The following ARHGAP26 variants were observed in gnomAD, a reference collection of about 807,000 sequenced individuals.
ARHGAP26 encodes Rho GTPase activating protein 26, also known as rho GTPase-activating protein 26.
Under a neutral mutation model 104.8 loss-of-function variants are expected in ARHGAP26, and 38 were observed. That is an observed-to-expected ratio of 0.36 (90% CI 0.28 to 0.48). The LOEUF (loss-of-function observed/expected upper bound fraction) is 0.48, where lower values mean the gene tolerates loss of function less well. Among genes scored for constraint, ARHGAP26 ranks in the 20% least tolerant of loss-of-function variants. The pLI is 0.99. For synonymous variants in ARHGAP26, 341 were observed against 340.0 expected, an observed-to-expected ratio of 1.00 and a Z score of -0.03; for missense variants, 704 against 947.9, an observed-to-expected ratio of 0.74 and a Z score of 3.38.
chr5:143,150,202 C>G (rs1799656002), intron 20 of ARHGAP26, among the ~76,000 whole-genome samples: 1 of 152,186 alleles, frequency 6.6e-6, no homozygotes, highest in Non-Finnish European at 1.5e-5. Context: ...AAGTCAGGAC[C>G]AAAGTCCAGC....
intron 11 of ARHGAP26, among the ~76,000 whole-genome samples, chr5:142,932,982 A>G (rs1016996701): frequency 1.3e-5 from 2 of 152,250 alleles, no homozygotes; most frequent in Non-Finnish European, 2.9e-5. Context: ...GACATTTAAT[A>G]ATATAGAGCA....
At chr5:143,129,856 G>A (rs111970483) in intron 18 of ARHGAP26, among the ~76,000 whole-genome samples, 67 of 152,250 alleles carry the variant, frequency 4.4e-4, no homozygotes, top group African/African-American at 1.5e-3. Flanking sequence ...GCTCTGCAAG[G>A]CAGGTATTAG....
chr5:142,988,500 C>T (rs1467071171), intron 11 of ARHGAP26, among the ~76,000 whole-genome samples: 2 of 152,032 alleles, frequency 1.3e-5, no homozygotes. Flanking sequence ...TCCAGTTCTG[C>T]TCTGATCTTA....
chr5:143,115,402 A>G (rs1016295361), intron 17 of ARHGAP26, among the ~76,000 whole-genome samples: 1 of 151,998 alleles, frequency 6.6e-6, no homozygotes, highest in Non-Finnish European at 1.5e-5. Context: ...GGTTTTCTAT[A>G]GATTCAAAGT....
chr5:143,161,689 C>T (rs932231314), intron 20 of ARHGAP26, among the ~76,000 whole-genome samples: 1 of 152,188 alleles, frequency 6.6e-6, no homozygotes, highest in Non-Finnish European at 1.5e-5. Context: ...ATAAGATCAC[C>T]TGCTTTGTGC....
chr5:142,777,352 A>G (rs925044693), intron 1 of ARHGAP26, among the ~76,000 whole-genome samples: 3 of 152,230 alleles, frequency 2.0e-5, no homozygotes, highest in African/African-American at 7.2e-5. Flanking sequence ...TCTGGCCTGC[A>G]TAAGCTAATG....
intron 6 of ARHGAP26, among the ~76,000 whole-genome samples, chr5:142,900,645 T>C (rs1028617100): frequency 7.2e-5 from 11 of 151,848 alleles, no homozygotes; most frequent in Admixed American, 7.2e-4. Flanking sequence ...TACCGTCACT[T>C]ATTATAGCTG....
chr5:143,063,577 T>C (rs1202942015), intron 17 of ARHGAP26, among the ~76,000 whole-genome samples: 1 of 152,244 alleles, frequency 6.6e-6, no homozygotes, highest in African/African-American at 2.4e-5. Context: ...ATCCTGTTCC[T>C]ACTGCATGGC....
intron 17 of ARHGAP26, among the ~76,000 whole-genome samples, chr5:143,073,241 A>G (rs1429802073): frequency 6.6e-6 from 1 of 152,210 alleles, no homozygotes; most frequent in Admixed American, 6.5e-5. Flanking sequence ...AAAAAGTTTA[A>G]AGGTAAGTTC....
chr5:142,912,817 A>G (rs1762003431), intron 9 of ARHGAP26, among the ~76,000 whole-genome samples: 1 of 152,208 alleles, frequency 6.6e-6, no homozygotes, highest in South Asian at 2.1e-4. Context: ...GTTCTGATCC[A>G]GGAAGATTTT....
chr5:143,206,230 G>A (rs544668108), intron 20 of ARHGAP26, among the ~76,000 whole-genome samples: 21 of 152,220 alleles, frequency 1.4e-4, no homozygotes, highest in African/African-American at 4.6e-4. Flanking sequence ...TCAGCAGTCC[G>A]CTGAGATTCA....
intron 1 of ARHGAP26, among the ~76,000 whole-genome samples, chr5:142,865,955 G>A (rs570743849): frequency 1.3e-5 from 2 of 151,840 alleles, no homozygotes; most frequent in Non-Finnish European, 2.9e-5. Flanking sequence ...GACTGCTTCC[G>A]CTTCCCTTTT....
intron 1 of ARHGAP26, among the ~76,000 whole-genome samples, chr5:142,772,156 G>C (rs1755337615): frequency 6.6e-6 from 1 of 152,226 alleles, no homozygotes; most frequent in Admixed American, 6.5e-5. Flanking sequence ...AGGTGCCTGA[G>C]ATGTCATTTT....
chr5:143,056,030 T>G lies in ARHGAP26; in HGVS notation c.1376T>G (p.Met459Arg), dbSNP rs1272389933. Residue 459 changes from methionine to arginine, a missense_variant and splice_region_variant, in exon 16 of 23, where the codon ATG (methionine) becomes AGG (arginine). Physicochemically the swap from Met to Arg is moderately conservative, Grantham distance 91. This residue lies in a region of ARHGAP26 where 287 missense variants were observed against 438.8 expected (regional missense o/e 0.65). Coordinates refer to ENST00000645722, the MANE Select transcript of ARHGAP26 (RefSeq NM_001135608.3). ...ITSALKTYLRMLPGPLMMYQF... is the reference protein window; with the variant it reads ...ITSALKTYLRRLPGPLMMYQF... ...TAGCCTATCTCCTTTTCCTCCAGAA[T>G]GCTTCCAGGACCACTCATGATGTAC... 13 of 1,612,208 alleles carry G rather than the reference T, an allele frequency of 8.1e-6. No individual in the cohort carries two copies. Among genetic ancestry groups the G allele is most frequent in the Non-Finnish European group, 1.1e-5 (13 of 1,178,870 alleles).
intron 20 of ARHGAP26, among the ~76,000 whole-genome samples, chr5:143,193,240 C>CTTTTTTTTTTTTTTT (rs57462040): frequency 2.8e-4 from 21 of 74,586 alleles, no homozygotes; most frequent in African/African-American, 8.9e-4. Context: ...ATTTTCTTTT[C>CTTTTTTTTTTTTTTT]TTTTTTTTTT....
chr5:142,894,453 A>G (rs1424547745), intron 6 of ARHGAP26, 105 bp downstream of exon 6: 1 of 1,023,766 alleles, frequency 9.8e-7, no homozygotes, highest in Non-Finnish European at 1.5e-6. Flanking sequence ...GAGGTTGAGC[A>G]GCCCTGACAC....
At chr5:143,020,785 C>T (rs1266560152) in intron 12 of ARHGAP26, among the ~76,000 whole-genome samples, 2 of 151,960 alleles carry the variant, frequency 1.3e-5, no homozygotes, top group African/African-American at 4.8e-5. Flanking sequence ...ACTACAGGCA[C>T]CCGCCCTCAC....
chr5:142,815,581 G>A (rs565599805), intron 1 of ARHGAP26, among the ~76,000 whole-genome samples: 1 of 152,266 alleles, frequency 6.6e-6, no homozygotes, highest in East Asian at 1.9e-4. Context: ...CACATTTATT[G>A]AGATGTCCCT....
intron 10 of ARHGAP26, among the ~76,000 whole-genome samples, chr5:142,931,380 G>A (rs936763374): frequency 6.6e-6 from 1 of 152,104 alleles, no homozygotes; most frequent in Non-Finnish European, 1.5e-5. Context: ...ATTTGATATT[G>A]TATGCATGTC....
Sources: allele counts gnomAD v4.1 joint callset (sites outside exome capture counted in the v4.1 genomes callset), GRCh38; gene constraint gnomAD v4.1.1; regional missense constraint gnomAD v4.1.1; transcripts MANE v1.5; gene names NCBI Gene and HGNC (gene_info 2026-07-23, HGNC 2026-07-21).